PRH1: variants seen among roughly 807,000 people sequenced by gnomAD.
PRH1 encodes salivary acidic proline-rich phosphoprotein 1/2.
PRH1 carries 7 observed loss-of-function variants against 7.9 expected under a neutral mutation model. That is an observed-to-expected ratio of 0.89 (90% confidence interval 0.50 to 1.67). The LOEUF is 1.67. Ranked by LOEUF, PRH1 falls within the 40% of genes most tolerant of loss-of-function variation. The probability of loss-of-function intolerance (pLI) is 0.00; values close to 1 mark genes in which losing one functional copy is unlikely to be tolerated. For synonymous variants in PRH1, 45 were observed against 80.8 expected (o/e 0.56, Z 2.38); for missense variants, 109 against 223.6 (o/e 0.49, Z 3.27).
At chr12:11,035,769 CTT>C (rs1263783210) in intron 1 of PRH1, among the ~76,000 whole-genome samples, 2 of 152,138 alleles carry the variant, frequency 1.3e-5, no homozygotes, top group East Asian at 3.9e-4. Context: ...ACCACAAACT[CTT>C]TTCACAGGCA....
At chr12:10,925,292 G>T (rs961915389) in intron 2 of PRH1, among the ~76,000 whole-genome samples, 2 of 152,116 alleles carry the variant, frequency 1.3e-5, no homozygotes, top group African/African-American at 2.4e-5. Context: ...CAGCTCTGGG[G>T]CCAGGACACA....
chr12:11,119,812 T>C (rs1458209779), downstream of PRH1, among the ~76,000 whole-genome samples: 1 of 152,160 alleles, frequency 6.6e-6, no homozygotes, highest in African/African-American at 2.4e-5. Context: ...AGTGACTTCA[T>C]GAAAATCTTT....
At chr12:10,921,993 A>G (rs1565472688) in intron 2 of PRH1, among the ~76,000 whole-genome samples, 1 of 151,726 alleles carries the variant, frequency 6.6e-6, no homozygotes. Flanking sequence ...CTTGTCTCGA[A>G]CTCCTGAACT....
At chr12:10,895,913 C>T (rs1949637910) in intron 2 of PRH1, 1 of 152,194 alleles carries the variant, frequency 6.6e-6, no homozygotes, top group African/African-American at 2.4e-5. Flanking sequence ...GCCTTCAATA[C>T]ACCATTGGCT....
At chr12:11,030,317 G>A in intron 1 of PRH1, 1 of 1,074,898 alleles carries the variant, frequency 9.3e-7, no homozygotes, top group Non-Finnish European at 1.3e-6. Flanking sequence ...TACACATACA[G>A]TATAGAAAAA....
intron 2 of PRH1, among the ~76,000 whole-genome samples, chr12:10,936,267 T>C (rs1950286479): frequency 1.3e-5 from 2 of 151,828 alleles, no homozygotes; most frequent in South Asian, 4.1e-4. Flanking sequence ...CCAGTAAACA[T>C]AAGGCCCAGG....
chr12:11,050,163 G>T (rs1334396533), upstream of PRH1, among the ~76,000 whole-genome samples: 2 of 152,120 alleles, frequency 1.3e-5, no homozygotes, highest in African/African-American at 2.4e-5. Flanking sequence ...TGTGTGGAGT[G>T]GGAAATCAGG....
At chr12:11,032,472 T>C (rs979909591) in intron 1 of PRH1, among the ~76,000 whole-genome samples, 15 of 152,200 alleles carry the variant, frequency 9.9e-5, no homozygotes, top group African/African-American at 3.6e-4. Flanking sequence ...ATAACTTCAT[T>C]ATTCACAAAC....
chr12:11,125,656 T>C (rs1426585783), intron 1 of PRH1, among the ~76,000 whole-genome samples: 3 of 152,392 alleles, frequency 2.0e-5, no homozygotes, highest in East Asian at 1.9e-4. Flanking sequence ...TGTATTATTA[T>C]TTCATTTAGG....
At chr12:11,134,483 T>G (rs1170782892) in intron 1 of PRH1, 4 of 514,920 alleles carry the variant, frequency 7.8e-6, no homozygotes, top group Non-Finnish European at 1.3e-5. Flanking sequence ...TCAAATTAAC[T>G]GACTCATTCA....
chr12:11,139,762 C>T (rs1295729845), intron 1 of PRH1, among the ~76,000 whole-genome samples: 1 of 152,056 alleles, frequency 6.6e-6, no homozygotes, highest in African/African-American at 2.4e-5. Flanking sequence ...TATATGTATT[C>T]GGATAAGAGT....
At chr12:11,064,860 GACCAGCCTGTGCA>G (rs1943745606) in intron 1 of PRH1, among the ~76,000 whole-genome samples, 1 of 151,950 alleles carries the variant, frequency 6.6e-6, no homozygotes, top group Non-Finnish European at 1.5e-5. Context: ...AGGAGTTCAA[GACCAGCCTGTGCA>G]ACACAGCGAA....
intron 1 of PRH1, chr12:11,061,412 A>G: frequency 8.7e-6 from 14 of 1,614,052 alleles, no homozygotes; most frequent in Non-Finnish European, 1.2e-5. Flanking sequence ...CTCACATGCC[A>G]CAAAACTGAA....
chr12:11,018,095 A>G (rs1055359071), intron 1 of PRH1, among the ~76,000 whole-genome samples: 1 of 152,156 alleles, frequency 6.6e-6, no homozygotes, highest in African/African-American at 2.4e-5. Flanking sequence ...ATTGTGCCAG[A>G]TGATCCAGCA....
intron 1 of PRH1, among the ~76,000 whole-genome samples, chr12:11,142,060 T>G (rs1004494056): frequency 2.0e-5 from 3 of 152,172 alleles, no homozygotes; most frequent in African/African-American, 7.2e-5. Context: ...CCCAAAGTGC[T>G]TGGATACAGG....
At chr12:10,918,404 T>C (rs577362485) in intron 2 of PRH1, among the ~76,000 whole-genome samples, 2 of 151,994 alleles carry the variant, frequency 1.3e-5, no homozygotes, top group South Asian at 2.1e-4. Context: ...TTTTAAAAGA[T>C]CCACATGATC....
chr12:10,925,462 A>T (rs1266394194), intron 2 of PRH1, among the ~76,000 whole-genome samples: 2 of 152,228 alleles, frequency 1.3e-5, no homozygotes, highest in Non-Finnish European at 2.9e-5. Flanking sequence ...GACAGGCTCA[A>T]GTTTTGCCAA....
chr12:10,967,320 TCTC>T (rs1938555183), intron 2 of PRH1, among the ~76,000 whole-genome samples: 1 of 152,108 alleles, frequency 6.6e-6, no homozygotes, highest in South Asian at 2.1e-4. Flanking sequence ...ATGGTGCACT[TCTC>T]CTAATAAATA....
chr12:11,047,330 T>A (rs1190733528), upstream of PRH1: 1 of 209,384 alleles, frequency 4.8e-6, no homozygotes. Flanking sequence ...ATTTGCAGAA[T>A]GTTTCATTCA....
Sources: gnomAD v4.1 joint callset for allele counts (sites outside exome capture counted in the v4.1 genomes callset) on GRCh38, gnomAD v4.1.1 for gene constraint, MANE v1.5 for transcripts, NCBI Gene and HGNC (gene_info 2026-07-23, HGNC 2026-07-21) for gene names.